Variants in TMEM238L observed in about 807,000 individuals in gnomAD.
TMEM238L encodes transmembrane protein 238 like, also known as transmembrane protein 238-like.
At chr17:10,798,610 T>C (rs1904631707) in intron 1 of TMEM238L, among the ~76,000 whole-genome samples, 1 of 152,152 alleles carries the variant, frequency 6.6e-6, no homozygotes, top group Admixed American at 6.5e-5. Flanking sequence ...TGTGTTTGTT[T>C]CTGTGAGTGT....
chr17:10,799,494 G>A (rs1199740269), intron 1 of TMEM238L, among the ~76,000 whole-genome samples: 2 of 152,136 alleles, frequency 1.3e-5, no homozygotes, highest in African/African-American at 2.4e-5. Context: ...TATCATGCCC[G>A]GCCTCAACCT....
At chr17:10,803,052 C>G (rs561129969) in intron 1 of TMEM238L, among the ~76,000 whole-genome samples, 8 of 151,790 alleles carry the variant, frequency 5.3e-5, no homozygotes, top group Non-Finnish European at 1.2e-4. Context: ...GGCATGGAGG[C>G]GAGTAGTCCC....
chr17:10,798,346 C>T (rs1904624253), intron 1 of TMEM238L, among the ~76,000 whole-genome samples: 1 of 152,122 alleles, frequency 6.6e-6, no homozygotes, highest in Non-Finnish European at 1.5e-5. Flanking sequence ...TTAAAAATCC[C>T]TGGAGAGATT....
At chr17:10,795,554 G>A (rs1904515160) in exon 2 of TMEM238L, 1 of 152,240 alleles carries the variant, frequency 6.6e-6, no homozygotes, top group Non-Finnish European at 1.5e-5. Flanking sequence ...TGCTTGATAT[G>A]TGCTCGCAGG....
chr17:10,802,734 A>G (rs772314270), intron 1 of TMEM238L, among the ~76,000 whole-genome samples: 8 of 152,166 alleles, frequency 5.3e-5, no homozygotes, highest in South Asian at 4.1e-4. Context: ...TGGCTGCCCA[A>G]TGGACCGTGG....
At chr17:10,800,950 A>G (rs999844608) in intron 1 of TMEM238L, among the ~76,000 whole-genome samples, 12 of 152,194 alleles carry the variant, frequency 7.9e-5, no homozygotes, top group East Asian at 5.8e-4. Flanking sequence ...AATCATAACC[A>G]TAATAACCTA....
chr17:10,797,769 C>T (rs535344223), intron 1 of TMEM238L: 1 of 152,310 alleles, frequency 6.6e-6, no homozygotes, highest in East Asian at 2.0e-4. Context: ...CTCCCCTCCC[C>T]TCCGTGGCCA....
intron 1 of TMEM238L, among the ~76,000 whole-genome samples, chr17:10,798,177 C>T (rs1463396718): frequency 6.6e-6 from 1 of 152,008 alleles, no homozygotes; most frequent in Non-Finnish European, 1.5e-5. Context: ...CCTTAGCAGC[C>T]CAGCCAGAAC....
chr17:10,798,088 T>C (rs912576642), intron 1 of TMEM238L, among the ~76,000 whole-genome samples: 1 of 151,952 alleles, frequency 6.6e-6, no homozygotes, highest in Non-Finnish European at 1.5e-5. Context: ...CAGTCCTTCC[T>C]TTTGCCTGGA....
In TMEM238L at chr17:10,799,758, G is replaced by A. The variant is rs530406713; in HGVS notation, c.*119-3810C>T. ...AACTTGTGTTCATGTAAAGTCTTAC[G>A]TGCCAGTTTAATGTGCAAAGCTGCT... On this transcript the variant is annotated intron_variant, in intron 1 of 1. Transcript: ENST00000581851. 1.2e-3 allele frequency among the ~76,000 whole-genome samples: 180 copies of A among 152,284 alleles called. 1 individual carries two copies. The highest frequency in any genetic ancestry group is 3.8e-3 in the African/African-American group (159 of 41,568).
chr17:10,798,665 GTGTT>G (rs780796098), intron 1 of TMEM238L, among the ~76,000 whole-genome samples: 11 of 152,090 alleles, frequency 7.2e-5, no homozygotes, highest in African/African-American at 9.7e-5. Context: ...TGTGGTGGGT[GTGTT>G]TGTTTCTGTG....
rs551901787 is a variant in TMEM238L, at chr17:10,803,173, C to T, written c.*118+433G>A. Among the ~76,000 whole-genome samples the T allele has an allele frequency of 3.3e-5, 5 of 152,242 alleles. No homozygotes were observed. In the East Asian group the frequency reaches 7.7e-4, roughly 24 times the overall value. ...TTTTACCGTGGCCCAGTTCACACCC[C>T]TTCATGTATGCAAGGGCACAAGAGT... is the stretch of plus-strand genomic sequence containing the variant. On this transcript the variant is annotated intron_variant, in intron 1 of 1. Transcript: ENST00000581851.
intron 1 of TMEM238L, 84 bp downstream of exon 1, chr17:10,803,522 A>G: frequency 2.6e-6 from 1 of 383,208 alleles, no homozygotes. Flanking sequence ...CTATTTGCTT[A>G]TGCAGCCTCA....
At chr17:10,798,536 A>T (rs549118413) in intron 1 of TMEM238L, among the ~76,000 whole-genome samples, 1 of 152,258 alleles carries the variant, frequency 6.6e-6, no homozygotes, top group South Asian at 2.1e-4. Context: ...AAGTGGAGGA[A>T]CAAGTTTCAT....
At chr17:10,797,324 T>C (rs987004614) in intron 1 of TMEM238L, among the ~76,000 whole-genome samples, 1 of 151,990 alleles carries the variant, frequency 6.6e-6, no homozygotes, top group African/African-American at 2.4e-5. Context: ...TCAGTGAATC[T>C]TAGTGTTCTT....
chr17:10,803,935 C>T (rs1904822125), exon 1 of TMEM238L: 1 of 399,112 alleles, frequency 2.5e-6, no homozygotes, highest in Non-Finnish European at 4.4e-6. Context: ...CCCTGGATGG[C>T]ATCTTCCCCA....
exon 2 of TMEM238L, chr17:10,795,327 G>A (rs11078861): frequency 6.6e-6 from 1 of 152,156 alleles, no homozygotes; most frequent in South Asian, 2.1e-4. Context: ...GCTGTGCAAA[G>A]GAGTGGGGCT....
chr17:10,798,218 G>A (rs1212683044), intron 1 of TMEM238L, among the ~76,000 whole-genome samples: 7 of 152,136 alleles, frequency 4.6e-5, no homozygotes, highest in Admixed American at 6.5e-5. Context: ...CAGCCAGGAG[G>A]TTCTGTGCCT....
intron 1 of TMEM238L, among the ~76,000 whole-genome samples, chr17:10,803,365 G>A (rs939478477): frequency 6.6e-6 from 1 of 152,202 alleles, no homozygotes. Flanking sequence ...TATCAGGGGT[G>A]GAAGGGGCTG....
Sources: allele counts gnomAD v4.1 joint callset (sites outside exome capture counted in the v4.1 genomes callset), GRCh38; gene constraint gnomAD v4.1.1; transcripts MANE v1.5; gene names NCBI Gene and HGNC (gene_info 2026-07-23, HGNC 2026-07-21).